LAMA2: variants seen among roughly 807,000 people sequenced by gnomAD.
LAMA2 encodes laminin subunit alpha 2, also known as laminin subunit alpha-2.
In LAMA2, 269 loss-of-function variants were observed where a neutral mutation model predicts 364.8. The ratio of observed to expected loss-of-function variants is 0.74; its 90% confidence interval spans 0.67 to 0.82. The LOEUF is 0.82. Among genes scored for constraint, LAMA2 ranks in the 40% least tolerant of loss-of-function variants. The probability of loss-of-function intolerance (pLI) is 0.00; values close to 1 mark genes in which losing one functional copy is unlikely to be tolerated. For missense variants in LAMA2, 3,807 were observed against 3,873.2 expected (o/e 0.98, Z 0.45); for synonymous variants, 1,379 against 1,370.6 (o/e 1.01, Z -0.14).
intron 29 of LAMA2, among the ~76,000 whole-genome samples, chr6:129,338,854 A>G (rs562608087): frequency 1.3e-5 from 2 of 152,192 alleles, no homozygotes; most frequent in East Asian, 3.9e-4. Flanking sequence ...AGCAGTGATA[A>G]AGAGTATCCG....
At chr6:129,268,809 C>T (rs1359430547) in intron 16 of LAMA2, among the ~76,000 whole-genome samples, 1 of 152,064 alleles carries the variant, frequency 6.6e-6, no homozygotes, top group Non-Finnish European at 1.5e-5. Context: ...AATTTTCCAT[C>T]ATAGCTAGTA....
intron 32 of LAMA2, among the ~76,000 whole-genome samples, chr6:129,361,879 G>T (rs1198980586): frequency 6.6e-6 from 1 of 150,602 alleles, no homozygotes; most frequent in Non-Finnish European, 1.5e-5. Flanking sequence ...CTACCTCCTG[G>T]GTTCAAGTGA....
rs9402129 is a variant in LAMA2 at position 129,424,476 on chromosome 6, C to T, written c.5866-3276C>T. Reference sequence around the variant, plus strand: ...ACTAGTAGAATATATTTCCAAATTACATATCTGATAAAGGACCCATATCCA... The same window carrying T: ...ACTAGTAGAATATATTTCCAAATTATATATCTGATAAAGGACCCATATCCA... On this transcript the variant is annotated intron_variant, in intron 40 of 64. Transcript: ENST00000421865. Among the ~76,000 whole-genome samples the T allele has an allele frequency of 0.018, 2,722 of 149,372 alleles. 118 individuals carry two copies. The East Asian group carries it at 0.18, about 10-fold the overall frequency.
intron 1 of LAMA2, among the ~76,000 whole-genome samples, chr6:128,898,043 A>C (rs191958737): frequency 2.0e-5 from 3 of 152,338 alleles, no homozygotes; most frequent in African/African-American, 7.2e-5. Flanking sequence ...AGAGAATGAA[A>C]ATAGTAGTGC....
At chr6:129,168,541 A>G (rs1167875701) in intron 9 of LAMA2, among the ~76,000 whole-genome samples, 1 of 150,930 alleles carries the variant, frequency 6.6e-6, no homozygotes, top group Non-Finnish European at 1.5e-5. Context: ...TTTTGGTACC[A>G]GTACCATGCT....
intron 10 of LAMA2, among the ~76,000 whole-genome samples, chr6:129,184,885 A>G (rs1388287458): frequency 6.6e-6 from 1 of 151,970 alleles, no homozygotes; most frequent in Non-Finnish European, 1.5e-5. Context: ...ACTAATGTTT[A>G]TGTATTTCCT....
chr6:129,294,131 C>T (rs1046392496), intron 20 of LAMA2, among the ~76,000 whole-genome samples: 4 of 152,182 alleles, frequency 2.6e-5, no homozygotes, highest in Admixed American at 6.5e-5. Flanking sequence ...GAAAGAAAGA[C>T]TGGGTAGGAA....
chr6:128,905,215 C>A (rs377351540), intron 1 of LAMA2, among the ~76,000 whole-genome samples: 2 of 152,108 alleles, frequency 1.3e-5, no homozygotes, highest in East Asian at 3.8e-4. Context: ...CTACTTAGAG[C>A]CCTGACCTAA....
At chr6:129,498,469 T>G (rs374665378) in intron 58 of LAMA2, among the ~76,000 whole-genome samples, 21 of 152,236 alleles carry the variant, frequency 1.4e-4, no homozygotes, top group African/African-American at 5.1e-4. Context: ...AATATTACTG[T>G]AAATGCCCAA....
At chr6:129,110,415 A>G (rs1776083662) in intron 4 of LAMA2, among the ~76,000 whole-genome samples, 1 of 152,036 alleles carries the variant, frequency 6.6e-6, no homozygotes, top group African/African-American at 2.4e-5. Context: ...TTTGCTGGTT[A>G]TTATCAGTTT....
intron 40 of LAMA2, among the ~76,000 whole-genome samples, chr6:129,421,768 G>A (rs1207015586): frequency 6.6e-6 from 1 of 152,056 alleles, no homozygotes; most frequent in African/African-American, 2.4e-5. Flanking sequence ...TAATATTTTA[G>A]AGAGCTTCTT....
intron 58 of LAMA2, among the ~76,000 whole-genome samples, chr6:129,493,621 A>G (rs1461488217): frequency 6.6e-6 from 1 of 152,250 alleles, no homozygotes; most frequent in Non-Finnish European, 1.5e-5. Context: ...TGGCATAAGT[A>G]CTATGTAGTA....
At chr6:129,229,955 A>G (rs1032928945) in intron 12 of LAMA2, among the ~76,000 whole-genome samples, 8 of 152,200 alleles carry the variant, frequency 5.3e-5, no homozygotes, top group African/African-American at 1.9e-4. Flanking sequence ...AGTGATAGCT[A>G]GTATACAAGT....
chr6:128,908,464 G>A (rs1777651278), intron 1 of LAMA2, among the ~76,000 whole-genome samples: 1 of 148,914 alleles, frequency 6.7e-6, no homozygotes, highest in African/African-American at 2.5e-5. Flanking sequence ...TTGTATTTCT[G>A]TGGGATCGGT....
intron 4 of LAMA2, among the ~76,000 whole-genome samples, chr6:129,103,345 A>C (rs555153365): frequency 2.0e-5 from 3 of 152,336 alleles, no homozygotes; most frequent in Admixed American, 6.5e-5. Flanking sequence ...AAGATTATAG[A>C]GAATCCTCAC....
intron 4 of LAMA2, among the ~76,000 whole-genome samples, chr6:129,104,704 A>C (rs1194274711): frequency 6.6e-6 from 1 of 152,020 alleles, no homozygotes; most frequent in Non-Finnish European, 1.5e-5. Flanking sequence ...CTGATGTTTT[A>C]TTTGGCTTTG....
intron 1 of LAMA2, among the ~76,000 whole-genome samples, chr6:128,985,926 A>C (rs1396522000): frequency 6.6e-6 from 1 of 152,164 alleles, no homozygotes; most frequent in Admixed American, 6.5e-5. Flanking sequence ...ATTTTATGTA[A>C]AGAAAAGCTT....
chr6:129,199,895 A>G (rs1030669631), intron 12 of LAMA2, among the ~76,000 whole-genome samples: 1 of 151,948 alleles, frequency 6.6e-6, no homozygotes, highest in Non-Finnish European at 1.5e-5. Context: ...CCTGGCCAAC[A>G]TGGCAAAACC....
At chr6:129,274,031 A>C (rs1473909307) in intron 17 of LAMA2, among the ~76,000 whole-genome samples, 1 of 151,932 alleles carries the variant, frequency 6.6e-6, no homozygotes, top group East Asian at 1.9e-4. Context: ...TCCAGCTTTC[A>C]ATGTGGTATT....
Sources: allele counts gnomAD v4.1 joint callset (sites outside exome capture counted in the v4.1 genomes callset), GRCh38; gene constraint gnomAD v4.1.1; transcripts MANE v1.5; gene names NCBI Gene and HGNC (gene_info 2026-07-23, HGNC 2026-07-21).